The following GLIS3 variants were observed in gnomAD, a reference collection of about 807,000 sequenced individuals.
GLIS3 encodes GLIS family zinc finger 3.
A neutral mutation model predicts 78.6 loss-of-function variants in GLIS3; 53 were observed. The observed-to-expected ratio is 0.67, with a 90% CI of 0.54 to 0.85. The LOEUF is 0.85. Among genes scored for constraint, GLIS3 ranks in the 40% least tolerant of loss-of-function variants. The pLI is 0.00. For synonymous variants in GLIS3, 684 were observed against 509.9 expected, an observed-to-expected ratio of 1.34 and a Z score of -4.60; for missense variants, 1,703 against 1,231.1, an observed-to-expected ratio of 1.38 and a Z score of -5.74.
At chr9:4,210,975 T>C (rs969885843) in intron 2 of GLIS3, among the ~76,000 whole-genome samples, 5 of 152,192 alleles carry the variant, frequency 3.3e-5, no homozygotes, top group African/African-American at 9.7e-5. Context: ...TTCCACTATA[T>C]TGATAAATTT....
intron 4 of GLIS3, among the ~76,000 whole-genome samples, chr9:4,033,197 G>A (rs2130286857): frequency 6.6e-6 from 1 of 152,208 alleles, no homozygotes; most frequent in East Asian, 1.9e-4. Flanking sequence ...CACCAGAATG[G>A]CACAGTGCTG....
At chr9:4,148,535 A>T (rs572637777) in intron 2 of GLIS3, among the ~76,000 whole-genome samples, 25 of 152,030 alleles carry the variant, frequency 1.6e-4, no homozygotes. Context: ...GATCAATTCT[A>T]CCTCATGTAT....
chr9:4,180,218 G>A (rs1038087884), intron 2 of GLIS3, among the ~76,000 whole-genome samples: 4 of 152,076 alleles, frequency 2.6e-5, no homozygotes, highest in African/African-American at 4.8e-5. Context: ...GGAGAGACTT[G>A]GGAACAAAGA....
intron 2 of GLIS3, among the ~76,000 whole-genome samples, chr9:4,257,483 CACAAAAAAGCAAACCAAAAGAAAGAAA>C (rs1825075094): frequency 6.6e-6 from 1 of 151,936 alleles, no homozygotes; most frequent in Non-Finnish European, 1.5e-5. Context: ...GTACTCTTAC[CACAAAAAAGCAAACCAAAAGAAAGAAA>C]GGTAACTATA....
chr9:4,174,002 T>A (rs931193774), intron 2 of GLIS3, among the ~76,000 whole-genome samples: 2 of 152,098 alleles, frequency 1.3e-5, no homozygotes, highest in African/African-American at 4.8e-5. Context: ...TAAAAAAAAC[T>A]TAATTTCCAC....
chr9:3,833,495 C>T (rs954388605), intron 9 of GLIS3, among the ~76,000 whole-genome samples: 2 of 151,960 alleles, frequency 1.3e-5, no homozygotes, highest in Non-Finnish European at 2.9e-5. Flanking sequence ...GGACCCAAAG[C>T]AAAATGAGGC....
intron 4 of GLIS3, among the ~76,000 whole-genome samples, chr9:4,030,134 C>T (rs1823702365): frequency 6.6e-6 from 1 of 152,146 alleles, no homozygotes; most frequent in South Asian, 2.1e-4. Flanking sequence ...TGGATATAAG[C>T]CATTTTAACT....
chr9:4,362,317 ATC>A, the GLIS3 span, among the ~76,000 whole-genome samples: 1 of 152,104 alleles, frequency 6.6e-6, no homozygotes, highest in Non-Finnish European at 1.5e-5. Flanking sequence ...CTAGGAAGGA[ATC>A]TCTCATTCTT....
chr9:4,113,045 TA>T (rs1345814159), intron 4 of GLIS3, among the ~76,000 whole-genome samples: 1 of 152,086 alleles, frequency 6.6e-6, no homozygotes, highest in African/African-American at 2.4e-5. Context: ...ACCAGAACTA[TA>T]TAATATTGCC....
At chr9:4,302,581 C>T (rs2130493624), upstream of GLIS3, among the ~76,000 whole-genome samples, 1 of 152,314 alleles carries the variant, frequency 6.6e-6, no homozygotes, top group Non-Finnish European at 1.5e-5. Flanking sequence ...ATTCTCAAAT[C>T]AAATGTATGA....
chr9:3,859,400 C>CACAT (rs1303329329), intron 8 of GLIS3, among the ~76,000 whole-genome samples: 3 of 149,312 alleles, frequency 2.0e-5, no homozygotes, highest in African/African-American at 5.0e-5. Flanking sequence ...CACACACACA[C>CACAT]ATCAAAATGA....
chr9:4,215,271 C>T (rs761914782), intron 2 of GLIS3, among the ~76,000 whole-genome samples: 6 of 151,952 alleles, frequency 3.9e-5, no homozygotes, highest in Non-Finnish European at 7.4e-5. Flanking sequence ...CCACATGCAC[C>T]GTTATTGGCC....
intron 6 of GLIS3, among the ~76,000 whole-genome samples, chr9:3,907,830 C>A (rs1823828883): frequency 6.6e-6 from 1 of 152,192 alleles, no homozygotes; most frequent in Admixed American, 6.5e-5. Context: ...TCATAAATCA[C>A]ATGCACCTGA....
At chr9:4,357,662 A>G in the GLIS3 span, among the ~76,000 whole-genome samples, 1 of 152,236 alleles carries the variant, frequency 6.6e-6, no homozygotes, top group East Asian at 1.9e-4. Flanking sequence ...TCACGTGAAC[A>G]TCATTCAACT....
chr9:3,886,194 A>G (rs1822060074), intron 7 of GLIS3, among the ~76,000 whole-genome samples: 1 of 152,226 alleles, frequency 6.6e-6, no homozygotes, highest in Admixed American at 6.5e-5. Flanking sequence ...CAGATGGAAG[A>G]ATTCATACAA....
At chr9:4,128,588 G>C (rs1013894113) in intron 2 of GLIS3, among the ~76,000 whole-genome samples, 1 of 152,142 alleles carries the variant, frequency 6.6e-6, no homozygotes, top group Middle Eastern at 3.2e-3. Flanking sequence ...ATGATATACA[G>C]TACCATTTTT....
chr9:3,869,936 C>G (rs138970094), intron 8 of GLIS3, among the ~76,000 whole-genome samples: 1 of 152,026 alleles, frequency 6.6e-6, no homozygotes, highest in Non-Finnish European at 1.5e-5. Flanking sequence ...CTTCCTGCAT[C>G]GAGAACTAAA....
At chr9:4,457,032 C>G in the GLIS3 span, among the ~76,000 whole-genome samples, 1 of 152,170 alleles carries the variant, frequency 6.6e-6, no homozygotes, top group South Asian at 2.1e-4. Flanking sequence ...TAGACTTGCT[C>G]TACTCAGGGT....
In GLIS3 at chr9:3,824,415, A is replaced by T. The variant is rs1817617605; in HGVS notation, c.*3857T>A. The stretch of plus-strand genomic sequence containing the variant: ...CAAAAAAACAAACAAACAAACAATG[A>T]TGGTTGCCATTGTGTTTTAAACCGA... On this transcript the variant is annotated 3_prime_UTR_variant, in exon 11 of 11. Coordinates refer to ENST00000381971, the MANE Select transcript of GLIS3 (RefSeq NM_001042413.2). The T allele has an allele frequency of 6.6e-6, 1 of 152,478 alleles. No individual in the cohort carries two copies. Among genetic ancestry groups the T allele is most frequent in the South Asian group, 2.1e-4 (1 of 4,824 alleles). The allele number at this position is 152,478 out of a possible 1,614,324, so 9.4% of individuals were successfully genotyped here.
Sources: allele counts gnomAD v4.1 joint callset (sites outside exome capture counted in the v4.1 genomes callset), GRCh38; gene constraint gnomAD v4.1.1; transcripts MANE v1.5; gene names NCBI Gene and HGNC (gene_info 2026-07-23, HGNC 2026-07-21).